TNS1: variants seen among roughly 807,000 people sequenced by gnomAD.
TNS1 encodes the protein tensin-1.
In TNS1, 62 loss-of-function variants were observed where a neutral mutation model predicts 168.6. The ratio of observed to expected loss-of-function variants is 0.37; its 90% CI spans 0.30 to 0.45. The LOEUF (loss-of-function observed/expected upper bound fraction) is 0.45. TNS1 is among the 20% of genes least tolerant of loss of function. The probability of loss-of-function intolerance (pLI) is 1.00; values close to 1 mark genes in which losing one functional copy is unlikely to be tolerated. For synonymous variants in TNS1, 934 were observed against 933.2 expected (o/e 1.00, Z -0.02); for missense variants, 2,240 against 2,339.4 (o/e 0.96, Z 0.88).
At chr2:217,846,934 G>A (rs1946728194) in intron 19 of TNS1, among the ~76,000 whole-genome samples, 1 of 152,214 alleles carries the variant, frequency 6.6e-6, no homozygotes, top group African/African-American at 2.4e-5. Context: ...AGAGCCTAAG[G>A]GCTTGAGGAT....
intron 18 of TNS1, among the ~76,000 whole-genome samples, chr2:217,863,538 A>T (rs1394250726): frequency 1.3e-5 from 2 of 152,088 alleles, no homozygotes; most frequent in African/African-American, 2.4e-5. Context: ...AGACTGAGGG[A>T]TGAAGGAGCC....
chr2:217,825,474 C>A (rs1179831766), intron 22 of TNS1, among the ~76,000 whole-genome samples: 1 of 152,228 alleles, frequency 6.6e-6, no homozygotes, highest in Non-Finnish European at 1.5e-5. Flanking sequence ...AGTCCATCAA[C>A]TGTCCTAGGT....
At chr2:218,012,267 T>C (rs1485896680), upstream of TNS1, among the ~76,000 whole-genome samples, 1 of 152,138 alleles carries the variant, frequency 6.6e-6, no homozygotes, top group Non-Finnish European at 1.5e-5. Flanking sequence ...TAGGAGGAAG[T>C]TATTCAGACA....
intron 19 of TNS1, among the ~76,000 whole-genome samples, chr2:217,838,481 A>C (rs1239403296): frequency 6.6e-6 from 1 of 152,212 alleles, no homozygotes; most frequent in African/African-American, 2.4e-5. Flanking sequence ...ACGTGGGAGC[A>C]TGTTCTGACC....
Position 217,835,147 on chromosome 2 carries a change from T to A in TNS1, c.3224A>T (p.Lys1075Met). The A allele has an allele frequency of 6.3e-7, 1 of 1,598,556 alleles. No homozygotes were observed. The highest frequency in any genetic ancestry group is 8.5e-7 in the Non-Finnish European group (1 of 1,174,186). ...RPKEPHLHSY[K>M]EAFEEMEGTS... ...TCCCTCCATCTCCTCGAAGGCCTCC[T>A]TGTAGCTGTGCAAATGGGGCTGTGG... The change falls in exon 21 of 33, where the codon AAG (lysine) becomes ATG (methionine). Residue 1075 changes from lysine to methionine, a missense_variant. Lys to Met is a moderately conservative substitution (Grantham distance 95, BLOSUM62 -1). Transcript: ENST00000682258.
intron 19 of TNS1, among the ~76,000 whole-genome samples, chr2:217,840,994 G>A (rs1342380030): frequency 2.0e-5 from 3 of 152,100 alleles, no homozygotes; most frequent in Non-Finnish European, 2.9e-5. Flanking sequence ...ACAGAAGAGA[G>A]GATAGTGAGA....
At chr2:217,878,617 T>C (rs1280254955) in intron 18 of TNS1, among the ~76,000 whole-genome samples, 1 of 152,168 alleles carries the variant, frequency 6.6e-6, no homozygotes, top group Non-Finnish European at 1.5e-5. Flanking sequence ...CCTGACACAC[T>C]GGCCACAGCT....
At chr2:217,953,405 G>T (rs1957287873) in intron 3 of TNS1, among the ~76,000 whole-genome samples, 1 of 152,200 alleles carries the variant, frequency 6.6e-6, no homozygotes, top group African/African-American at 2.4e-5. Flanking sequence ...CCAGCTGCCT[G>T]TTTAATAATG....
intron 3 of TNS1, among the ~76,000 whole-genome samples, chr2:217,926,708 T>C (rs547261862): frequency 1.3e-5 from 2 of 152,366 alleles, no homozygotes; most frequent in East Asian, 3.9e-4. Flanking sequence ...AGCACTGTTC[T>C]AAGCTTTTGT....
chr2:217,969,991 A>G (rs759659751), intron 3 of TNS1, among the ~76,000 whole-genome samples: 5 of 151,948 alleles, frequency 3.3e-5, no homozygotes, highest in Non-Finnish European at 7.4e-5. Flanking sequence ...CATCTATGAC[A>G]GTTCCTGATA....
chr2:217,832,039 T>C (rs989448226), intron 21 of TNS1, among the ~76,000 whole-genome samples: 2 of 151,756 alleles, frequency 1.3e-5, no homozygotes, highest in African/African-American at 2.4e-5. Context: ...AAATTGGGCC[T>C]CAGGATGGCA....
chr2:217,956,213 G>A (rs901269135), intron 3 of TNS1, among the ~76,000 whole-genome samples: 4 of 152,120 alleles, frequency 2.6e-5, no homozygotes, highest in Non-Finnish European at 5.9e-5. Flanking sequence ...ACATTGCCCA[G>A]GCTGGTCTTG....
intron 1 of TNS1, among the ~76,000 whole-genome samples, chr2:218,017,879 G>T (rs964557248): frequency 1.3e-5 from 2 of 152,114 alleles, no homozygotes; most frequent in Non-Finnish European, 2.9e-5. Context: ...CTAGACAGAC[G>T]CTCCCCGCCA....
intron 3 of TNS1, among the ~76,000 whole-genome samples, chr2:217,959,845 C>A (rs1957454097): frequency 6.7e-6 from 1 of 150,116 alleles, no homozygotes; most frequent in African/African-American, 2.4e-5. Context: ...AAGTGGGGGC[C>A]TCAGCTCTAG....
intron 3 of TNS1, among the ~76,000 whole-genome samples, chr2:217,946,996 G>T (rs1957126903): frequency 1.2e-5 from 1 of 85,516 alleles, no homozygotes; most frequent in South Asian, 3.0e-4. Flanking sequence ...CACACACACA[G>T]TAAAAACTGC....
At chr2:217,938,045 T>A (rs1956714380) in intron 3 of TNS1, among the ~76,000 whole-genome samples, 1 of 152,058 alleles carries the variant, frequency 6.6e-6, no homozygotes, top group South Asian at 2.1e-4. Flanking sequence ...AGAAATGGCC[T>A]AGAAATTGGG....
intron 1 of TNS1, among the ~76,000 whole-genome samples, chr2:218,019,584 C>T (rs1403233326): frequency 6.6e-6 from 1 of 152,226 alleles, no homozygotes; most frequent in Non-Finnish European, 1.5e-5. Context: ...CTTAGGCCTC[C>T]TCATGCCTTT....
intron 1 of TNS1, among the ~76,000 whole-genome samples, chr2:218,030,745 G>A (rs575260699): frequency 3.9e-5 from 6 of 152,322 alleles, no homozygotes; most frequent in African/African-American, 1.4e-4. Flanking sequence ...CGCCCCCTCT[G>A]GTCTTCAGTG....
At chr2:217,858,796 ACTGT>A (rs1948485409) in intron 18 of TNS1, among the ~76,000 whole-genome samples, 1 of 151,718 alleles carries the variant, frequency 6.6e-6, no homozygotes, top group Non-Finnish European at 1.5e-5. Flanking sequence ...GTGGGATAAA[ACTGT>A]CTGTAATTTC....
Sources: gnomAD v4.1 joint callset for allele counts (sites outside exome capture counted in the v4.1 genomes callset) on GRCh38, gnomAD v4.1.1 for gene constraint, MANE v1.5 for transcripts, NCBI Gene and HGNC (gene_info 2026-07-23, HGNC 2026-07-21) for gene names.